The following CSMD1 variants were observed in gnomAD, a reference collection of about 807,000 sequenced individuals.
CSMD1 encodes CUB and sushi domain-containing protein 1.
In CSMD1, 213 loss-of-function variants were observed where a neutral mutation model predicts 417.5. The observed-to-expected ratio is 0.51, with a 90% CI of 0.46 to 0.57. The LOEUF (loss-of-function observed/expected upper bound fraction) is 0.57. Among genes scored for constraint, CSMD1 ranks in the 20% least tolerant of loss-of-function variants. The probability of loss-of-function intolerance (pLI) is 0.00; values close to 1 mark genes in which losing one functional copy is unlikely to be tolerated. For missense variants in CSMD1, 6,923 were observed against 4,529.7 expected, an observed-to-expected ratio of 1.53 and a Z score of -15.17; for synonymous variants, 2,862 against 1,736.8, an observed-to-expected ratio of 1.65 and a Z score of -16.11.
chr8:3,962,672 G>A (rs1014095928), intron 5 of CSMD1, among the ~76,000 whole-genome samples: 3 of 152,160 alleles, frequency 2.0e-5, no homozygotes, highest in Admixed American at 6.5e-5. Flanking sequence ...GGAAATCAGA[G>A]CAGCTGGGTG....
intron 30 of CSMD1, among the ~76,000 whole-genome samples, chr8:3,213,019 G>C (rs1031157302): frequency 6.6e-6 from 1 of 151,690 alleles, no homozygotes; most frequent in Non-Finnish European, 1.5e-5. Context: ...TAGTAGAAAG[G>C]GGGTTTCTCC....
chr8:4,402,447 G>A (rs1432976861), intron 3 of CSMD1, among the ~76,000 whole-genome samples: 1 of 152,088 alleles, frequency 6.6e-6, no homozygotes, highest in Admixed American at 6.6e-5. Flanking sequence ...CTGGAAGATA[G>A]CATGGAGCTA....
intron 5 of CSMD1, among the ~76,000 whole-genome samples, chr8:3,976,467 G>T (rs543750717): frequency 2.4e-4 from 37 of 152,158 alleles, no homozygotes; most frequent in Non-Finnish European, 4.7e-4. Context: ...GCTGTCTCCC[G>T]GGTCTAGAAG....
At position 3,544,339 on chromosome 8, in the gene CSMD1, T is replaced by A. The variant is rs866892925; in HGVS notation, c.1344+30606A>T. 3.9e-5 allele frequency among the ~76,000 whole-genome samples: 6 copies of A among 152,194 alleles called. No homozygotes were observed. In the South Asian group the frequency reaches 1.2e-3, roughly 32 times the overall value. On this transcript the variant is annotated intron_variant, in intron 10 of 69. Coordinates refer to ENST00000635120, the MANE Select transcript of CSMD1 (RefSeq NM_033225.6). ...AAAATATAGTAATTCAGAAAATTAA[T>A]CCTTTATCACAAACCCTTGTAGCAA...
At chr8:4,711,671 TA>T (rs11321928) in intron 1 of CSMD1, among the ~76,000 whole-genome samples, 137,874 of 151,922 alleles carry the variant, frequency 0.91, 62,738 homozygotes, top group East Asian at 0.97. Flanking sequence ...TAGGTAAATT[TA>T]AAAAAAAAAT....
chr8:3,619,528 A>G (rs975633160), intron 7 of CSMD1, among the ~76,000 whole-genome samples: 2 of 152,198 alleles, frequency 1.3e-5, no homozygotes, highest in Non-Finnish European at 2.9e-5. Context: ...AATTATAGAT[A>G]TGAATTTAAA....
chr8:4,119,736 A>C (rs1802373283), intron 3 of CSMD1, among the ~76,000 whole-genome samples: 1 of 152,194 alleles, frequency 6.6e-6, no homozygotes, highest in African/African-American at 2.4e-5. Flanking sequence ...CCAGCCTCCA[A>C]ACAGTGGGAA....
chr8:4,049,421 C>G (rs10106646), intron 3 of CSMD1, among the ~76,000 whole-genome samples: 2,139 of 151,502 alleles, frequency 0.014, 54 homozygotes, highest in African/African-American at 0.047. Context: ...AAAATTACCC[C>G]CAGCTCAAAA....
intron 48 of CSMD1, among the ~76,000 whole-genome samples, chr8:3,090,479 T>C (rs938960352): frequency 6.6e-6 from 1 of 152,176 alleles, no homozygotes; most frequent in African/African-American, 2.4e-5. Context: ...TCTTGCCTGT[T>C]ATCCTCACAT....
intron 46 of CSMD1, among the ~76,000 whole-genome samples, chr8:3,099,290 C>T (rs1338678736): frequency 1.3e-5 from 2 of 152,128 alleles, no homozygotes; most frequent in East Asian, 3.9e-4. Context: ...TAGCTACTGC[C>T]ATAAACGTCA....
intron 5 of CSMD1, among the ~76,000 whole-genome samples, chr8:3,862,490 T>A (rs886483388): frequency 6.6e-6 from 1 of 152,212 alleles, no homozygotes; most frequent in Admixed American, 6.5e-5. Context: ...GAACTCAAAG[T>A]TCGCCTTTCC....
At chr8:4,645,867 C>T (rs1803487213) in intron 1 of CSMD1, among the ~76,000 whole-genome samples, 1 of 152,080 alleles carries the variant, frequency 6.6e-6, no homozygotes, top group South Asian at 2.1e-4. Context: ...TGCATGTGCT[C>T]CTCCGCTCAC....
intron 5 of CSMD1, among the ~76,000 whole-genome samples, chr8:3,840,647 A>G (rs1404641454): frequency 6.6e-6 from 1 of 151,582 alleles, no homozygotes; most frequent in Non-Finnish European, 1.5e-5. Context: ...TTGCTAGTGT[A>G]TAGGATATTG....
chr8:3,155,913 G>A (rs950024891), intron 39 of CSMD1, among the ~76,000 whole-genome samples: 1 of 152,222 alleles, frequency 6.6e-6, no homozygotes, highest in Non-Finnish European at 1.5e-5. Flanking sequence ...ATTTTCCTCT[G>A]TACACAATTT....
intron 7 of CSMD1, among the ~76,000 whole-genome samples, chr8:3,649,703 C>G (rs150432555): frequency 2.3e-4 from 35 of 152,192 alleles, no homozygotes; most frequent in African/African-American, 7.5e-4. Flanking sequence ...TGAGGATTAT[C>G]GGGATTATAA....
At chr8:4,324,766 A>T (rs1799461632) in intron 3 of CSMD1, among the ~76,000 whole-genome samples, 1 of 152,182 alleles carries the variant, frequency 6.6e-6, no homozygotes, top group Non-Finnish European at 1.5e-5. Flanking sequence ...TCAGCCCCAT[A>T]AACAAACATC....
At chr8:3,962,056 G>T (rs2140340) in intron 5 of CSMD1, among the ~76,000 whole-genome samples, 3 of 152,128 alleles carry the variant, frequency 2.0e-5, no homozygotes, top group Non-Finnish European at 4.4e-5. Context: ...GTGAGAAGGT[G>T]CACGGACCAT....
chr8:4,318,948 C>A (rs950921486), intron 3 of CSMD1, among the ~76,000 whole-genome samples: 1 of 152,042 alleles, frequency 6.6e-6, no homozygotes, highest in African/African-American at 2.4e-5. Context: ...TTATTAAAAA[C>A]AAAATGAAAG....
At chr8:3,574,456 G>C (rs1019710749) in intron 10 of CSMD1, among the ~76,000 whole-genome samples, 4 of 152,124 alleles carry the variant, frequency 2.6e-5, no homozygotes, top group Non-Finnish European at 4.4e-5. Flanking sequence ...ATGTTGGCCA[G>C]ACTGGTTTTA....
Sources: gnomAD v4.1 joint callset for allele counts (sites outside exome capture counted in the v4.1 genomes callset) on GRCh38, gnomAD v4.1.1 for gene constraint, MANE v1.5 for transcripts, NCBI Gene and HGNC (gene_info 2026-07-23, HGNC 2026-07-21) for gene names.